Variants in SLAIN1 observed in about 807,000 individuals in gnomAD.
The protein encoded by SLAIN1 is SLAIN family member 1.
A neutral mutation model predicts 55.4 loss-of-function variants in SLAIN1; 17 were observed. That is an observed-to-expected ratio of 0.31 (90% CI 0.21 to 0.46). The LOEUF is 0.46. SLAIN1 is among the 20% of genes least tolerant of loss of function. The probability of loss-of-function intolerance (pLI) is 1.00; values close to 1 mark genes in which losing one functional copy is unlikely to be tolerated. For missense variants in SLAIN1, 682 were observed against 785.1 expected (o/e 0.87, Z 1.57); for synonymous variants, 348 against 337.4 (o/e 1.03, Z -0.35).
At chr13:77,752,344 A>C (rs1220346655) in intron 4 of SLAIN1, among the ~76,000 whole-genome samples, 3 of 144,342 alleles carry the variant, frequency 2.1e-5, no homozygotes, top group Non-Finnish European at 4.5e-5. Flanking sequence ...TTGTTTTGGT[A>C]AATTTAATGG....
chr13:77,698,796 T>A lies in SLAIN1; in HGVS notation c.626+257T>A. ...GGCCCCCCCTTCCCCCCATCTGCCA[T>A]GGGTTCTGCTATTTGCTGATTGTTG... On this transcript the variant is annotated intron_variant, in intron 1 of 6. Transcript: ENST00000418532. The surrounding 1 kb of genome is among the most constrained non-coding windows in gnomAD (Gnocchi z 4.1). The A allele has an allele frequency of 2.3e-6, 3 of 1,323,058 alleles. No individual in the cohort carries two copies. Among genetic ancestry groups the A allele is most frequent in the Non-Finnish European group, 3.0e-6 (3 of 993,904 alleles). 82.0% of individuals were successfully genotyped at this position (1,323,058 alleles called of 1,614,324 possible).
chr13:77,717,418 T>G (rs775068498), intron 1 of SLAIN1, among the ~76,000 whole-genome samples: 2 of 152,182 alleles, frequency 1.3e-5, no homozygotes, highest in Non-Finnish European at 2.9e-5. Context: ...TTGGTAGAGT[T>G]TAGCAGTAAA....
At chr13:77,706,303 T>G (rs1159256973) in intron 1 of SLAIN1, among the ~76,000 whole-genome samples, 3 of 152,142 alleles carry the variant, frequency 2.0e-5, no homozygotes, top group African/African-American at 7.2e-5. Flanking sequence ...TGATTATAAT[T>G]TACTAGCTAA....
intron 2 of SLAIN1, among the ~76,000 whole-genome samples, chr13:77,736,245 A>G (rs1338377129): frequency 6.6e-6 from 1 of 151,836 alleles, no homozygotes; most frequent in Non-Finnish European, 1.5e-5. Context: ...CAGCATATTT[A>G]TTGCCTGTAA....
At chr13:77,736,371 A>G (rs1873119915) in intron 2 of SLAIN1, among the ~76,000 whole-genome samples, 2 of 151,764 alleles carry the variant, frequency 1.3e-5, no homozygotes, top group South Asian at 2.1e-4. Context: ...TGTTCCCCCT[A>G]GCTAATCTCT....
At chr13:77,763,109 A>T (rs370459127) in intron 6 of SLAIN1, 36 bp from the exon 7 acceptor site, 1 of 1,562,274 alleles carries the variant, frequency 6.4e-7, no homozygotes, top group African/African-American at 1.4e-5. Flanking sequence ...AGGATTATTA[A>T]CAATCTCTCT....
intron 2 of SLAIN1, among the ~76,000 whole-genome samples, chr13:77,742,073 TTA>T (rs1308517553): frequency 1.3e-5 from 2 of 151,866 alleles, no homozygotes; most frequent in Admixed American, 6.6e-5. Flanking sequence ...ACTTAAGCTT[TTA>T]TGATTTGGGA....
At chr13:77,735,826 C>T (rs1873089912) in intron 2 of SLAIN1, among the ~76,000 whole-genome samples, 1 of 152,040 alleles carries the variant, frequency 6.6e-6, no homozygotes, top group Admixed American at 6.6e-5. Context: ...ACACAGCCTT[C>T]CAGACCCCAT....
chr13:77,699,064 T>C (rs1566215305), intron 1 of SLAIN1: 5 of 1,530,734 alleles, frequency 3.3e-6, no homozygotes, highest in African/African-American at 1.4e-5. Context: ...AGAGGTTCGT[T>C]CTTGCTGTTT....
intron 5 of SLAIN1, among the ~76,000 whole-genome samples, chr13:77,759,434 C>A (rs941893923): frequency 6.6e-6 from 1 of 152,012 alleles, no homozygotes; most frequent in East Asian, 1.9e-4. Flanking sequence ...TCTTTCTCTT[C>A]TATAAGTACT....
chr13:77,703,207 A>G (rs1156661721), intron 1 of SLAIN1, among the ~76,000 whole-genome samples: 1 of 152,140 alleles, frequency 6.6e-6, no homozygotes, highest in African/African-American at 2.4e-5. Context: ...GACAATGGAA[A>G]AGTTGTTAAT....
At chr13:77,731,739 AGT>A (rs1872872178) in intron 2 of SLAIN1, among the ~76,000 whole-genome samples, 1 of 152,148 alleles carries the variant, frequency 6.6e-6, no homozygotes, top group African/African-American at 2.4e-5. Flanking sequence ...AAACCTTGAC[AGT>A]GTAAAAATAG....
At chr13:77,724,483 ATG>A (rs2091289890) in intron 2 of SLAIN1, among the ~76,000 whole-genome samples, 1 of 152,044 alleles carries the variant, frequency 6.6e-6, no homozygotes, top group Admixed American at 6.6e-5. Context: ...CAGTCTTCCT[ATG>A]GCTTTATAAG....
intron 3 of SLAIN1, 99 bp from the exon 4 acceptor site, chr13:77,746,415 G>C: frequency 1.0e-6 from 1 of 998,572 alleles, no homozygotes; most frequent in Non-Finnish European, 1.4e-6. Context: ...GTCTCTGTGA[G>C]TAATTTATTT....
intron 1 of SLAIN1, among the ~76,000 whole-genome samples, chr13:77,705,288 G>A (rs1040986126): frequency 2.0e-5 from 3 of 151,832 alleles, no homozygotes; most frequent in African/African-American, 7.2e-5. Flanking sequence ...GGAAAAGAAG[G>A]GGTTCTATGA....
Position 77,760,824 on chromosome 13 carries a change from C to T in SLAIN1, c.1415-4C>T, listed in dbSNP as rs375622156. 26 of 1,612,158 alleles carry T rather than the reference C, an allele frequency of 1.6e-5. No homozygotes were observed. Among genetic ancestry groups the T allele is most frequent in the Middle Eastern group, 1.9e-4 (1 of 5,356 alleles). On this transcript the variant is annotated splice_region_variant and splice_polypyrimidine_tract_variant and intron_variant, in intron 5 of 6. Coordinates refer to ENST00000418532, the MANE Select transcript of SLAIN1 (RefSeq NM_001242868.2). ...GCTCACATGAATATCATTTTCTCTT[C>T]TAGTTCCATCACCGGGACAGCTTCA... is the stretch of plus-strand genomic sequence containing the variant.
chr13:77,761,013 G>T lies in SLAIN1; in HGVS notation c.1600G>T (p.Ala534Ser), dbSNP rs1364425755. The stretch of plus-strand genomic sequence containing the variant: ...AATCCCCACACCGAACAAAGCTGCA[G>T]CTTCTGGGATAATGGGTCGCAGTGC... ...TGIPTPNKAA[A>S]SGIMGRSALP... The change falls in exon 6 of 7, where the codon GCT (alanine) becomes TCT (serine). Residue 534 changes from alanine to serine, a missense_variant. By Grantham distance (99) the Ala-to-Ser change is moderately conservative. This residue lies in a region of SLAIN1 where 244 missense variants were observed against 295.2 expected (regional missense o/e 0.83). Coordinates refer to ENST00000418532, the MANE Select transcript of SLAIN1 (RefSeq NM_001242868.2). 3 of 1,614,190 alleles carry T rather than the reference G, an allele frequency of 1.9e-6. No individual in the cohort carries two copies. Among genetic ancestry groups the T allele is most frequent in the Admixed American group, 1.7e-5 (1 of 60,024 alleles).
chr13:77,710,800 A>G (rs753345259), intron 1 of SLAIN1, among the ~76,000 whole-genome samples: 3 of 152,214 alleles, frequency 2.0e-5, no homozygotes, highest in Admixed American at 6.5e-5. Context: ...TTTCAGCACC[A>G]TGTCACACTT....
intron 5 of SLAIN1, among the ~76,000 whole-genome samples, chr13:77,753,566 C>G (rs1479296865): frequency 6.6e-6 from 1 of 151,990 alleles, no homozygotes; most frequent in African/African-American, 2.4e-5. Context: ...TACTATTCAA[C>G]TTACCAGTGC....
Sources: allele counts gnomAD v4.1 joint callset (sites outside exome capture counted in the v4.1 genomes callset), GRCh38; gene constraint gnomAD v4.1.1; regional missense constraint gnomAD v4.1.1; non-coding constraint Gnocchi (gnomAD v3.1); transcripts MANE v1.5; gene names NCBI Gene and HGNC (gene_info 2026-07-23, HGNC 2026-07-21).